MAN2A1: variants seen among roughly 807,000 people sequenced by gnomAD.
MAN2A1 encodes mannosidase alpha class 2A member 1.
A neutral mutation model predicts 142.6 loss-of-function variants in MAN2A1; 76 were observed. That is an observed-to-expected ratio of 0.53 (90% CI 0.44 to 0.65). The LOEUF (loss-of-function observed/expected upper bound fraction) is 0.65, where lower values mean the gene tolerates loss of function less well. MAN2A1 is among the 30% of genes least tolerant of loss of function. The probability of loss-of-function intolerance (pLI) is 0.00; values close to 1 mark genes in which losing one functional copy is unlikely to be tolerated. For synonymous variants in MAN2A1, 559 were observed against 473.2 expected, an observed-to-expected ratio of 1.18 and a Z score of -2.35; for missense variants, 1,311 against 1,365.1, an observed-to-expected ratio of 0.96 and a Z score of 0.62.
chr5:109,728,323 C>T (rs1751802392), intron 3 of MAN2A1, among the ~76,000 whole-genome samples: 1 of 152,048 alleles, frequency 6.6e-6, no homozygotes, highest in African/African-American at 2.4e-5. Context: ...AGATAAGAAA[C>T]AGCCATTTGG....
At chr5:109,777,501 C>T (rs1753327200) in intron 8 of MAN2A1, among the ~76,000 whole-genome samples, 1 of 151,964 alleles carries the variant, frequency 6.6e-6, no homozygotes, top group Non-Finnish European at 1.5e-5. Flanking sequence ...AATGTTGTCT[C>T]CTACTATGTA....
At chr5:109,717,417 T>A (rs1276587661) in intron 3 of MAN2A1, among the ~76,000 whole-genome samples, 1 of 152,160 alleles carries the variant, frequency 6.6e-6, no homozygotes, top group Non-Finnish European at 1.5e-5. Context: ...ATTTCTAGAC[T>A]ACAGTGCAAT....
Position 109,845,872 on chromosome 5 carries a change from C to T in MAN2A1, c.2708C>T (p.Pro903Leu), listed in dbSNP as rs752216647. Residue 903 changes from proline to leucine, a missense_variant, in exon 18 of 22, where the codon CCT becomes CTT. By Grantham distance (98) the Pro-to-Leu change is moderately conservative. Coordinates refer to ENST00000261483, the MANE Select transcript of MAN2A1 (RefSeq NM_002372.4). Reference sequence around the variant, plus strand: ...AATTGTTGTGTTTTATAGATTCAACCTAGAATGACACTGAGCAAATTGCCT... The same window carrying T: ...AATTGTTGTGTTTTATAGATTCAACTTAGAATGACACTGAGCAAATTGCCT... ...YTDLNGYQIQ[P>L]RMTLSKLPLQ... is the part of the protein sequence containing the mutation. 4 of 1,612,058 alleles carry T rather than the reference C, an allele frequency of 2.5e-6. No homozygotes were observed. The highest frequency in any genetic ancestry group is 1.1e-5 in the South Asian group (1 of 90,794).
Position 109,795,227 on chromosome 5 carries a change from T to C in MAN2A1, c.1943+5700T>C, listed in dbSNP as rs182386537. On this transcript the variant is annotated intron_variant, in intron 12 of 21. Coordinates refer to ENST00000261483, the MANE Select transcript of MAN2A1 (RefSeq NM_002372.4). ...TTTTGCCTAATTTTTCAAGAAAATA[T>C]AAAGGTCTCTTGGGGAGGAAATGAG... Among the ~76,000 whole-genome samples, 370 of 152,232 alleles carry C rather than the reference T, an allele frequency of 2.4e-3. 2 individuals are homozygous for C. The highest frequency in any genetic ancestry group is 9.5e-3 in the South Asian group (46 of 4,828).
At chr5:109,795,531 ACAGT>A (rs1332136701) in intron 12 of MAN2A1, among the ~76,000 whole-genome samples, 1 of 152,210 alleles carries the variant, frequency 6.6e-6, no homozygotes, top group Admixed American at 6.5e-5. Flanking sequence ...CCTTGGCTTG[ACAGT>A]CAGTGTATTA....
intron 6 of MAN2A1, among the ~76,000 whole-genome samples, chr5:109,768,395 A>G (rs1753051905): frequency 6.6e-6 from 1 of 152,144 alleles, no homozygotes; most frequent in South Asian, 2.1e-4. Context: ...AATCTTTTTA[A>G]TATTATTCTT....
chr5:109,860,013 A>ATAGT (rs1218793138), intron 20 of MAN2A1, among the ~76,000 whole-genome samples: 1 of 151,746 alleles, frequency 6.6e-6, no homozygotes, highest in Non-Finnish European at 1.5e-5. Context: ...TTTCTTGCAA[A>ATAGT]TAGTTAACCA....
chr5:109,734,985 A>T (rs1287366569), intron 4 of MAN2A1, among the ~76,000 whole-genome samples: 1 of 152,082 alleles, frequency 6.6e-6, no homozygotes, highest in Non-Finnish European at 1.5e-5. Context: ...AAAGTCTCCC[A>T]TTATTATTGT....
At chr5:109,821,771 C>T (rs978460046) in intron 15 of MAN2A1, among the ~76,000 whole-genome samples, 2 of 152,028 alleles carry the variant, frequency 1.3e-5, no homozygotes, top group Non-Finnish European at 2.9e-5. Context: ...CTGATGATCT[C>T]TGAGCACTCT....
intron 1 of MAN2A1, 92 bp downstream of exon 1, chr5:109,690,644 C>A: frequency 7.1e-7 from 1 of 1,404,354 alleles, no homozygotes; most frequent in Non-Finnish European, 9.7e-7. Context: ...CCTCCCGCCG[C>A]GGCCCCACAC....
chr5:109,735,235 C>G (rs1278755517), intron 4 of MAN2A1, among the ~76,000 whole-genome samples: 1 of 152,004 alleles, frequency 6.6e-6, no homozygotes, highest in African/African-American at 2.4e-5. Flanking sequence ...GTAGATCTTC[C>G]TCCATCCTTT....
chr5:109,747,971 T>G (rs1383367593), intron 4 of MAN2A1, among the ~76,000 whole-genome samples: 1 of 152,212 alleles, frequency 6.6e-6, no homozygotes, highest in Non-Finnish European at 1.5e-5. Context: ...CTAATGGGTG[T>G]TGTACCGTGC....
chr5:109,787,203 C>T (rs976723268), intron 10 of MAN2A1, among the ~76,000 whole-genome samples: 6 of 151,934 alleles, frequency 3.9e-5, no homozygotes, highest in Middle Eastern at 3.4e-3. Flanking sequence ...TTTAGAATTC[C>T]GCTAATTATT....
chr5:109,801,775 T>C (rs1754038295), intron 12 of MAN2A1, among the ~76,000 whole-genome samples: 1 of 152,090 alleles, frequency 6.6e-6, no homozygotes, highest in Non-Finnish European at 1.5e-5. Flanking sequence ...AGGAAAATCA[T>C]ACCAAACACA....
intron 5 of MAN2A1, among the ~76,000 whole-genome samples, chr5:109,755,777 T>C (rs1028699768): frequency 1.3e-5 from 2 of 151,960 alleles, no homozygotes; most frequent in South Asian, 2.1e-4. Context: ...GTTTTTTTTT[T>C]CAGCAAAAAA....
intron 5 of MAN2A1, 56 bp from the exon 6 acceptor site, chr5:109,767,476 ACTT>A (rs1753023381): frequency 4.3e-6 from 6 of 1,411,652 alleles, no homozygotes; most frequent in Middle Eastern, 3.7e-4. Context: ...ATGTGTTGTG[ACTT>A]CTTTTTATTT....
At chr5:109,698,067 G>T (rs1016669012) in intron 1 of MAN2A1, among the ~76,000 whole-genome samples, 3 of 152,200 alleles carry the variant, frequency 2.0e-5, no homozygotes, top group Middle Eastern at 3.2e-3. Context: ...TTGATCCATA[G>T]CTTCAAGACT....
chr5:109,723,525 A>AT (rs1751662161), intron 3 of MAN2A1, among the ~76,000 whole-genome samples: 1 of 151,894 alleles, frequency 6.6e-6, no homozygotes, highest in African/African-American at 2.4e-5. Flanking sequence ...GTCCATAACC[A>AT]TTTTTTACAG....
intron 20 of MAN2A1, among the ~76,000 whole-genome samples, chr5:109,856,496 G>C (rs1248619266): frequency 6.6e-6 from 1 of 152,160 alleles, no homozygotes; most frequent in Non-Finnish European, 1.5e-5. Flanking sequence ...CTGTCTCTTA[G>C]CTAATTAGCA....
Sources: allele counts gnomAD v4.1 joint callset (sites outside exome capture counted in the v4.1 genomes callset), GRCh38; gene constraint gnomAD v4.1.1; transcripts MANE v1.5; gene names NCBI Gene and HGNC (gene_info 2026-07-23, HGNC 2026-07-21).